LRAT: variants seen among roughly 807,000 people sequenced by gnomAD.
The protein encoded by LRAT is lecithin retinol acyltransferase.
In LRAT, 11 loss-of-function variants were observed where a neutral mutation model predicts 14.2. The observed-to-expected ratio is 0.78, with a 90% CI of 0.49 to 1.29. The LOEUF is 1.29. Among genes scored for constraint, LRAT ranks in the 50% most tolerant of loss-of-function variants. The probability of loss-of-function intolerance (pLI) is 0.00; values close to 1 mark genes in which losing one functional copy is unlikely to be tolerated. For synonymous variants in LRAT, 144 were observed against 124.8 expected (o/e 1.15, Z -1.03); for missense variants, 274 against 292.4 (o/e 0.94, Z 0.46).
upstream of LRAT, among the ~76,000 whole-genome samples, chr4:154,741,296 A>C (rs1732764995): frequency 6.6e-6 from 1 of 152,168 alleles, no homozygotes; most frequent in Non-Finnish European, 1.5e-5. Flanking sequence ...CGCTTCCCGC[A>C]TAAGAGTTCT....
intron 1 of LRAT, 32 bp from the exon 2 acceptor site, chr4:154,744,294 G>A: frequency 6.2e-7 from 1 of 1,611,722 alleles, no homozygotes; most frequent in South Asian, 1.1e-5. Flanking sequence ...GAGTGGCACC[G>A]GCACCTCTCC....
In LRAT at chr4:154,744,640, T is replaced by C; in HGVS notation, c.314T>C (p.Val105Ala). The change falls in exon 2 of 3, where the codon GTG becomes GCG. Residue 105 changes from valine to alanine, a missense_variant. Transcript: ENST00000336356. ...KRLILGVIVKVASIRVDTVED... is the reference protein window; with the variant it reads ...KRLILGVIVKAASIRVDTVED... ...CTCATCCTGGGCGTTATTGTCAAAG[T>C]GGCCAGCATCCGCGTGGACACAGTG... 1 of 1,614,146 alleles carries C rather than the reference T, an allele frequency of 6.2e-7. No individual in the cohort carries two copies. The highest frequency in any genetic ancestry group is 1.1e-5 in the South Asian group (1 of 91,082).
chr4:154,742,074 GTACACACCGA>G (rs1380506084), upstream of LRAT, among the ~76,000 whole-genome samples: 22 of 152,176 alleles, frequency 1.4e-4, no homozygotes, highest in African/African-American at 5.1e-4. Flanking sequence ...TGCATTGAAC[GTACACACCGA>G]GGTCTATCAG....
rs906067181 is a variant in LRAT, at chr4:154,749,372, G to A, written c.*236G>A. Reference sequence around the variant, plus strand: ...CCATCCAAACCTTGGAAATACGACAGGGTGTGGTAGAATTCAGCAATATGA... The same window carrying A: ...CCATCCAAACCTTGGAAATACGACAAGGTGTGGTAGAATTCAGCAATATGA... On this transcript the variant is annotated 3_prime_UTR_variant, in exon 3 of 3. Transcript: ENST00000336356. 14 of 506,110 alleles carry A rather than the reference G, an allele frequency of 2.8e-5. No individual in the cohort carries two copies. The highest frequency in any genetic ancestry group is 2.7e-4 in the African/African-American group (14 of 51,792). 31.4% of individuals were successfully genotyped at this position (506,110 alleles called of 1,614,324 possible).
At chr4:154,747,933 T>C (rs1015796800) in intron 2 of LRAT, among the ~76,000 whole-genome samples, 1 of 152,148 alleles carries the variant, frequency 6.6e-6, no homozygotes, top group African/African-American at 2.4e-5. Context: ...TATTAAAACA[T>C]ATTGAACTTG....
At position 154,744,437 on chromosome 4, in the gene LRAT, C is replaced by G. The variant is rs995895723; in HGVS notation, c.111C>G (p.Asn37Lys). Reference protein sequence around the residue: ...SGAAGEDKGRNSFYETSSFHR... With the variant: ...SGAAGEDKGRKSFYETSSFHR... Reference sequence around the variant, plus strand: ...CCGCGGGCGAAGACAAAGGGAGGAACAGTTTTTATGAAACCAGCTCTTTCC... The same window carrying G: ...CCGCGGGCGAAGACAAAGGGAGGAAGAGTTTTTATGAAACCAGCTCTTTCC... Residue 37 changes from asparagine to lysine, a missense_variant, in exon 2 of 3, where the codon AAC (asparagine) becomes AAG (lysine). Transcript: ENST00000336356. 43 of 1,614,112 alleles carry G rather than the reference C, an allele frequency of 2.7e-5. No homozygotes were observed. Among genetic ancestry groups the G allele is most frequent in the East Asian group, 4.5e-5 (2 of 44,868 alleles).
At chr4:154,745,886 T>A (rs990094034) in intron 2 of LRAT, among the ~76,000 whole-genome samples, 14 of 152,172 alleles carry the variant, frequency 9.2e-5, no homozygotes, top group African/African-American at 3.4e-4. Flanking sequence ...TTGTTAAGCA[T>A]CCTTTACCCA....
chr4:154,741,228 G>A (rs757270220), upstream of LRAT, among the ~76,000 whole-genome samples: 3 of 152,060 alleles, frequency 2.0e-5, no homozygotes, highest in Non-Finnish European at 4.4e-5. Context: ...CCAGCCGAGA[G>A]AGGAGCTCAT....
upstream of LRAT, chr4:154,740,963 T>C (rs1344269985): frequency 6.6e-6 from 1 of 152,244 alleles, no homozygotes; most frequent in Non-Finnish European, 1.5e-5. Context: ...GTTAGATTTC[T>C]CTTGGGCCTT....
intron 1 of LRAT, 22 bp downstream of exon 1, chr4:154,744,244 C>A: frequency 6.9e-7 from 1 of 1,448,576 alleles, no homozygotes; most frequent in Non-Finnish European, 9.6e-7. Context: ...CGCAGCACCC[C>A]TGCCCGGCGA....
Position 154,744,859 on chromosome 4 carries a change from C to A in LRAT, c.533C>A (p.Ser178Tyr). Residue 178 changes from serine (S) to tyrosine (Y), a missense_variant, in exon 2 of 3, where the codon TCC becomes TAC. By Grantham distance (144) the Ser-to-Tyr change is moderately radical (BLOSUM62 -2). Transcript: ENST00000336356. ...CRYGTPISPQ[S>Y]DKFCETVKII... ...TATGGCACCCCGATCAGTCCCCAGT[C>A]CGACAAGGTATGATGTGTGACTCCC... 1 of 1,613,258 alleles carries A rather than the reference C, an allele frequency of 6.2e-7. No homozygotes were observed. Among genetic ancestry groups the A allele is most frequent in the Non-Finnish European group, 8.5e-7 (1 of 1,180,018 alleles).
At chr4:154,741,314 C>T (rs967691486), upstream of LRAT, among the ~76,000 whole-genome samples, 5 of 152,174 alleles carry the variant, frequency 3.3e-5, no homozygotes, top group Admixed American at 6.5e-5. Context: ...TCTGGGAAGA[C>T]TTCAGAAACA....
intron 2 of LRAT, chr4:154,748,461 T>G (rs1732924633): frequency 1.1e-6 from 1 of 882,280 alleles, no homozygotes; most frequent in Non-Finnish European, 1.4e-6. Context: ...TTTAGCATAT[T>G]TAGTCAGGAA....
At chr4:154,743,834 TG>T (rs1732814350), upstream of LRAT, 1 of 174,856 alleles carries the variant, frequency 5.7e-6, no homozygotes, top group South Asian at 1.4e-4. Context: ...ACCCTGGAGC[TG>T]GGAGTCGGCC....
chr4:154,751,928 GT>G lies in LRAT; in HGVS notation c.*2798del, dbSNP rs566490055. The G allele has an allele frequency of 2.6e-5, 4 of 152,000 alleles. No individual in the cohort carries two copies. The highest frequency in any genetic ancestry group is 5.9e-5 in the Non-Finnish European group (4 of 67,990). The allele number at this position is 152,000 out of a possible 1,614,324, so 9.4% of individuals were successfully genotyped here. ...TGATAACCTAGTAGTGTCTGATGAA[GT>G]TTTTTCATGCTTATTTTATTCTTTG... On this transcript the variant is annotated 3_prime_UTR_variant, in exon 3 of 3. Transcript: ENST00000336356.
rs1407929115 is a variant in LRAT at position 154,752,147 on chromosome 4, AC to A, written c.*3012del. 1 of 152,234 alleles carries A rather than the reference AC, an allele frequency of 6.6e-6. No homozygotes were observed. The highest frequency in any genetic ancestry group is 2.4e-5 in the African/African-American group (1 of 41,460). The allele number at this position is 152,234 out of a possible 1,614,324, so 9.4% of individuals were successfully genotyped here. Reference sequence around the variant, plus strand: ...TGCATAAAGCTGACTGACTGAAGGAACAGAAAGTGAGACAGACAGATATGAC... The same window carrying A: ...TGCATAAAGCTGACTGACTGAAGGAAAGAAAGTGAGACAGACAGATATGAC... On this transcript the variant is annotated 3_prime_UTR_variant, in exon 3 of 3. Coordinates refer to ENST00000336356, the MANE Select transcript of LRAT (RefSeq NM_004744.5).
Position 154,750,187 on chromosome 4 carries a change from C to CT in LRAT, c.*1057dup, listed in dbSNP as rs1291525534. 6 of 152,026 alleles carry CT rather than the reference C, an allele frequency of 3.9e-5. No individual in the cohort carries two copies. The highest frequency in any genetic ancestry group is 7.2e-5 in the African/African-American group (3 of 41,398). 9.4% of individuals were successfully genotyped at this position (152,026 alleles called of 1,614,324 possible). ...AGCCTTCAGATTTGTTTTCTAGTCA[C>CT]TTTTTTCCATATCATTTCTAATTAT... On this transcript the variant is annotated 3_prime_UTR_variant, in exon 3 of 3. Transcript: ENST00000336356.
rs78458206 is a variant in LRAT, at chr4:154,744,191, G to C, written c.-33G>C. ...TTGCCTTCCTCTCTCCTCAGCGGCC[G>C]TACTTTGCGCCGTACCTCACCTGGC... is the stretch of plus-strand genomic sequence containing the variant. On this transcript the variant is annotated 5_prime_UTR_variant, in exon 1 of 3. Transcript: ENST00000336356. The C allele has an allele frequency of 5.5e-6, 5 of 904,006 alleles. No homozygotes were observed. The highest frequency in any genetic ancestry group is 8.8e-6 in the Non-Finnish European group (5 of 566,270). 56.0% of individuals were successfully genotyped at this position (904,006 alleles called of 1,614,324 possible).
At position 154,744,586 on chromosome 4, in the gene LRAT, G is replaced by A. The variant is rs1231354939; in HGVS notation, c.260G>A (p.Arg87His). Residue 87 changes from arginine to histidine, a missense_variant, in exon 2 of 3, where the codon CGC (arginine) becomes CAC (histidine). By Grantham distance (29) the Arg-to-His change is conservative. Transcript: ENST00000336356. ...ILLALTDDMG[R>H]TQKVVSNKRL... ...TTGGCCCTGACAGACGACATGGGGCGCACGCAGAAGGTGGTCTCCAACAAG... is the reference window on the plus strand; with the variant it reads ...TTGGCCCTGACAGACGACATGGGGCACACGCAGAAGGTGGTCTCCAACAAG... 6.2e-7 allele frequency: 1 copy of A among 1,614,078 alleles called. No individual in the cohort carries two copies. The highest frequency in any genetic ancestry group is 1.3e-5 in the African/African-American group (1 of 75,024).
Sources: allele counts gnomAD v4.1 joint callset (sites outside exome capture counted in the v4.1 genomes callset), GRCh38; gene constraint gnomAD v4.1.1; transcripts MANE v1.5; gene names NCBI Gene and HGNC (gene_info 2026-07-23, HGNC 2026-07-21).